UBFD1: variants seen among roughly 807,000 people sequenced by gnomAD.
UBFD1 encodes ubiquitin domain-containing protein UBFD1.
UBFD1 carries 12 observed loss-of-function variants against 35.1 expected under a neutral mutation model. The observed-to-expected ratio is 0.34, with a 90% CI of 0.22 to 0.55. The LOEUF (loss-of-function observed/expected upper bound fraction) is 0.55, where lower values mean the gene tolerates loss of function less well. Ranked by LOEUF, UBFD1 falls within the 20% of genes least tolerant of loss-of-function variation. The pLI is 0.89. For missense variants in UBFD1, 337 were observed against 410.8 expected (o/e 0.82, Z 1.55); for synonymous variants, 178 against 167.6 (o/e 1.06, Z -0.48).
chr16:23,557,812 G>A (rs748278414), intron 1 of UBFD1, 45 bp downstream of exon 1: 18 of 1,276,324 alleles, frequency 1.4e-5, no homozygotes, highest in Non-Finnish European at 7.9e-6. Context: ...GGCTGAGGTT[G>A]CGGTCGCTCC....
chr16:23,558,424 C>A, intron 2 of UBFD1, 145 bp downstream of exon 2: 1 of 1,065,188 alleles, frequency 9.4e-7, no homozygotes, highest in Non-Finnish European at 1.3e-6. Context: ...ATGCCCATTA[C>A]TCAGCTGGGG....
At chr16:23,566,752 T>G (rs761031096) in intron 5 of UBFD1, 5 of 477,094 alleles carry the variant, frequency 1.0e-5, no homozygotes, top group Non-Finnish European at 1.9e-5. Flanking sequence ...AGACCTTTAC[T>G]ATACCATTGC....
intron 5 of UBFD1, chr16:23,564,434 T>A (rs776948149): frequency 6.6e-6 from 1 of 152,188 alleles, no homozygotes; most frequent in Non-Finnish European, 1.5e-5. Context: ...TATCTGAGGG[T>A]TCCCCCCAGT....
intron 6 of UBFD1, among the ~76,000 whole-genome samples, chr16:23,568,438 G>A (rs1966040600): frequency 6.6e-6 from 1 of 151,522 alleles, no homozygotes; most frequent in Non-Finnish European, 1.5e-5. Flanking sequence ...GGTTACAGGC[G>A]TGAGCCTCCA....
chr16:23,562,541 T>C (rs2142214437), intron 4 of UBFD1, 84 bp from the exon 5 acceptor site: 1 of 1,294,764 alleles, frequency 7.7e-7, no homozygotes, highest in Admixed American at 2.1e-5. Context: ...GTGCTGGGAT[T>C]ACAGGCGTGA....
chr16:23,558,507 C>T (rs970028023), intron 2 of UBFD1, among the ~76,000 whole-genome samples: 1 of 152,192 alleles, frequency 6.6e-6, no homozygotes, highest in African/African-American at 2.4e-5. Context: ...GTTTAGGCCC[C>T]AGTTTCTCAT....
At chr16:23,564,455 GC>G (rs1965982596) in intron 5 of UBFD1, 1 of 152,176 alleles carries the variant, frequency 6.6e-6, no homozygotes, top group Non-Finnish European at 1.5e-5. Flanking sequence ...TTTTGCAAGG[GC>G]CTTTGAACCC....
chr16:23,562,489 A>C (rs747798831), intron 4 of UBFD1, 136 bp from the exon 5 acceptor site: 4 of 849,790 alleles, frequency 4.7e-6, no homozygotes, highest in Non-Finnish European at 7.3e-6. Flanking sequence ...GCTAGTCTCC[A>C]ACTCCTGACC....
intron 5 of UBFD1, chr16:23,565,376 T>C (rs1965995816): frequency 6.6e-6 from 1 of 152,206 alleles, no homozygotes; most frequent in African/African-American, 2.4e-5. Flanking sequence ...GAGGAGAGCA[T>C]GTACCCTGCT....
chr16:23,567,499 C>A (rs1597043928), intron 6 of UBFD1, among the ~76,000 whole-genome samples: 1 of 152,192 alleles, frequency 6.6e-6, no homozygotes, highest in South Asian at 2.1e-4. Flanking sequence ...TCTGTAATAA[C>A]GATGCCGCTC....
rs751108316 is a variant in UBFD1 at position 23,559,699 on chromosome 16, G to C, written c.564+23G>C. 5 of 1,613,832 alleles carry C rather than the reference G, an allele frequency of 3.1e-6. No homozygotes were observed. The East Asian group carries it at 1.1e-4, about 36-fold the overall frequency. On this transcript the variant is annotated intron_variant, in intron 3 of 6. Transcript: ENST00000395878. ...AAAGTGAGTCCATCTTGTGCTTCTT[G>C]GTCTTGAGAAATTTGAGGCTTTGTC...
Position 23,558,085 on chromosome 16 carries a change from T to C in UBFD1, c.161T>C (p.Leu54Pro), listed in dbSNP as rs1965849466. The change falls in exon 2 of 7, where the codon CTG becomes CCG. Residue 54 changes from leucine to proline, a missense_variant. By Grantham distance (98) the Leu-to-Pro change is moderately conservative. Transcript: ENST00000395878. ...GACTCCGGCGCCGCACGAGGCAGCC[T>C]GCAGCCGGCCCCGGCCCAGCCCCCT... ...AEDSGAARGS[L>P]QPAPAQPPGD... The C allele has an allele frequency of 2.0e-6, 3 of 1,491,820 alleles. No homozygotes were observed. The African/African-American group carries it at 4.4e-5, about 22-fold the overall frequency. The allele number at this position is 1,491,820 out of a possible 1,614,324, so 92.4% of individuals were successfully genotyped here.
At chr16:23,566,497 ATTAT>A in intron 5 of UBFD1, 1 of 153,056 alleles carries the variant, frequency 6.5e-6, no homozygotes, top group East Asian at 1.9e-4. Flanking sequence ...AGTAGCTGGG[ATTAT>A]AGGTGCCCAC....
chr16:23,562,755 T>G (rs1211909152), intron 5 of UBFD1, 25 bp downstream of exon 5: 2 of 1,599,668 alleles, frequency 1.3e-6, no homozygotes, highest in Non-Finnish European at 1.7e-6. Flanking sequence ...GCCTCCTTGC[T>G]GGCCCACTGC....
chr16:23,569,962 C>G (rs911315060), intron 6 of UBFD1, among the ~76,000 whole-genome samples: 4 of 152,246 alleles, frequency 2.6e-5, no homozygotes, highest in African/African-American at 9.6e-5. Context: ...ATTGGTGTGA[C>G]TAAGCCTTGT....
chr16:23,562,538 G>A lies in UBFD1; in HGVS notation c.631-87G>A, dbSNP rs1965951714. The A allele has an allele frequency of 4.0e-6, 5 of 1,264,280 alleles. No homozygotes were observed. The South Asian group carries it at 5.4e-5, about 14-fold the overall frequency. 78.3% of individuals were successfully genotyped at this position (1,264,280 alleles called of 1,614,324 possible). ...CCGCTTTGGCCTCCCAGTGTGCTGG[G>A]ATTACAGGCGTGAGCCACCGCGCTT... On this transcript the variant is annotated intron_variant, in intron 4 of 6. Transcript: ENST00000395878.
chr16:23,568,673 G>A lies in UBFD1; in HGVS notation c.819+1604G>A, dbSNP rs892521941. On this transcript the variant is annotated intron_variant, in intron 6 of 6. Transcript: ENST00000395878. ...GTCTCTACTAAAATTACAAAGATTA[G>A]CTGGGCGTGGTGGCGGGCACCTGTA... The A allele has an allele frequency of 4.4e-4, 67 of 151,766 alleles. 1 individual carries two copies. Among genetic ancestry groups the A allele is most frequent in the African/African-American group, 1.5e-3 (62 of 41,434 alleles). The allele number at this position is 151,766 out of a possible 1,614,324, so 9.4% of individuals were successfully genotyped here.
chr16:23,568,558 T>G (rs1227209745), intron 6 of UBFD1: 1 of 150,828 alleles, frequency 6.6e-6, no homozygotes, highest in Non-Finnish European at 1.5e-5. Flanking sequence ...TGGTGGCTCA[T>G]GCCTGTAATC....
intron 5 of UBFD1, chr16:23,566,354 TA>T (rs1966010697): frequency 6.6e-6 from 1 of 152,112 alleles, no homozygotes; most frequent in African/African-American, 2.4e-5. Context: ...CTTGGGTATT[TA>T]TTTATTTTAT....
Sources: allele counts gnomAD v4.1 joint callset (sites outside exome capture counted in the v4.1 genomes callset), GRCh38; gene constraint gnomAD v4.1.1; transcripts MANE v1.5; gene names NCBI Gene and HGNC (gene_info 2026-07-23, HGNC 2026-07-21).